VAV1: variants seen among roughly 807,000 people sequenced by gnomAD.
The protein encoded by VAV1 is proto-oncogene vav.
VAV1 carries 33 observed loss-of-function variants against 128.1 expected under a neutral mutation model. The ratio of observed to expected loss-of-function variants is 0.26; its 90% CI spans 0.20 to 0.34. The LOEUF is 0.34. VAV1 is among the 10% of genes least tolerant of loss of function. The pLI, the probability that VAV1 is intolerant of heterozygous loss-of-function variation, is 1.00. For synonymous variants in VAV1, 394 were observed against 409.8 expected, an observed-to-expected ratio of 0.96 and a Z score of 0.47; for missense variants, 715 against 1,093.7, an observed-to-expected ratio of 0.65 and a Z score of 4.88.
At chr19:6,835,875 G>A (rs1227353032) in intron 19 of VAV1, 2 of 151,096 alleles carry the variant, frequency 1.3e-5, no homozygotes, top group African/African-American at 4.9e-5. Context: ...TTGTTTTTTT[G>A]TTTAGTTTTG....
In VAV1 at chr19:6,822,898, GAT is replaced by G. The variant is rs1227945836; in HGVS notation, c.654+389_654+390del. On this transcript the variant is annotated intron_variant, in intron 6 of 26. Transcript: ENST00000602142. The surrounding 1 kb of genome is among the most constrained non-coding windows in gnomAD (Gnocchi z 5.9). Reference sequence around the variant, plus strand: ...TATAATATGTATAAAATATAAACATGATATATGATATTTATAAGATATAAAAT... The same window carrying G: ...TATAATATGTATAAAATATAAACATGATATGATATTTATAAGATATAAAAT... Among the ~76,000 whole-genome samples the G allele has an allele frequency of 1.4e-5, 2 of 145,000 alleles. No individual in the cohort carries two copies. The highest frequency in any genetic ancestry group is 3.0e-5 in the Non-Finnish European group (2 of 66,318).
In VAV1 at chr19:6,777,223, A is replaced by G. The variant is rs901479817; in HGVS notation, c.204+4212A>G. ...CATCCATTCATTCATCCATCCATTT[A>G]TCTGTTTAACTATCCATCCATCCAT... On this transcript the variant is annotated intron_variant, in intron 1 of 26. Coordinates refer to ENST00000602142, the MANE Select transcript of VAV1 (RefSeq NM_005428.4). This position sits in a 1 kb window ranked among gnomAD's most constrained non-coding sequence, Gnocchi z 4.4. Among the ~76,000 whole-genome samples the G allele has an allele frequency of 7.0e-6, 1 of 143,548 alleles. No individual in the cohort carries two copies. Among genetic ancestry groups the G allele is most frequent in the Admixed American group, 7.3e-5 (1 of 13,644 alleles). The allele number at this position is 143,548 out of a possible 152,430, so 94.2% of individuals were successfully genotyped here. A position where few individuals can be genotyped will look rare whatever the true frequency, so the allele number is the denominator to read the frequency against.
In VAV1 at chr19:6,828,324, A is replaced by T. The variant is rs1444258447; in HGVS notation, c.1024-95A>T. 3.2e-6 allele frequency: 5 copies of T among 1,552,008 alleles called. No homozygotes were observed. The East Asian group carries it at 6.7e-5, about 21-fold the overall frequency. On this transcript the variant is annotated intron_variant, in intron 10 of 26. Transcript: ENST00000602142. The surrounding 1 kb of genome is among the most constrained non-coding windows in gnomAD (Gnocchi z 4.5). ...CTCAGCCTCCAGGGTCAGCAGTACG[A>T]TGGAGGAGCTGGTGAGCTAGCATTG...
chr19:6,841,162 T>G (rs1415064601), intron 21 of VAV1, among the ~76,000 whole-genome samples: 1 of 151,578 alleles, frequency 6.6e-6, no homozygotes, highest in Non-Finnish European at 1.5e-5. Context: ...AGACCCACCC[T>G]CCTTGGCTTC....
chr19:6,845,699 TA>T (rs1251455006), intron 22 of VAV1, among the ~76,000 whole-genome samples: 1 of 149,352 alleles, frequency 6.7e-6, no homozygotes, highest in African/African-American at 2.4e-5. Flanking sequence ...CATTTATGTT[TA>T]TATTATATTA....
intron 1 of VAV1, among the ~76,000 whole-genome samples, chr19:6,805,378 T>C (rs934374404): frequency 4.0e-5 from 6 of 151,688 alleles, no homozygotes; most frequent in African/African-American, 1.5e-4. Context: ...CGAGTTGAGA[T>C]CATAATACTG....
chr19:6,832,587 C>A (rs1198709709), intron 15 of VAV1, among the ~76,000 whole-genome samples: 1 of 128,324 alleles, frequency 7.8e-6, no homozygotes, highest in South Asian at 2.6e-4. Flanking sequence ...CCTCCTCGCC[C>A]TCCTCTTCCT....
Position 6,807,415 on chromosome 19 carries a change from T to A in VAV1, c.205-13287T>A, listed in dbSNP as rs141482421. Among the ~76,000 whole-genome samples the A allele has an allele frequency of 4.1e-4, 63 of 152,114 alleles. 1 individual carries two copies. Among genetic ancestry groups the A allele is most frequent in the African/African-American group, 1.4e-3 (59 of 41,512 alleles). On this transcript the variant is annotated intron_variant, in intron 1 of 26. Transcript: ENST00000602142. Reference sequence around the variant, plus strand: ...GAGTTCACAGTAGGGTTTGCACTCCTATGAGGATCTAACGCTGCAGCTGAT... The same window carrying A: ...GAGTTCACAGTAGGGTTTGCACTCCAATGAGGATCTAACGCTGCAGCTGAT...
rs551666697 is a variant in VAV1, at chr19:6,779,922, T to C, written c.204+6911T>C. Among the ~76,000 whole-genome samples, 6 of 149,280 alleles carry C rather than the reference T, an allele frequency of 4.0e-5. No individual in the cohort carries two copies. The East Asian group carries it at 5.9e-4, about 15-fold the overall frequency. ...GTCAGGAGATCGAGACCATCCTGGC[T>C]AACACGGTGAAACCCCGTCTCTACT... On this transcript the variant is annotated intron_variant, in intron 1 of 26. Coordinates refer to ENST00000602142, the MANE Select transcript of VAV1 (RefSeq NM_005428.4).
At chr19:6,848,746 CT>C (rs202232330) in intron 23 of VAV1, among the ~76,000 whole-genome samples, 5 of 149,724 alleles carry the variant, frequency 3.3e-5, no homozygotes, top group East Asian at 2.0e-4. Flanking sequence ...TATGTTTTTT[CT>C]TTTTTTTTAA....
intron 1 of VAV1, chr19:6,784,311 A>G: frequency 2.1e-6 from 1 of 482,044 alleles, no homozygotes; most frequent in Non-Finnish European, 3.8e-6. Flanking sequence ...AATAAGAAGG[A>G]CCTGAGCCAA....
At chr19:6,848,448 G>A (rs904402176) in intron 23 of VAV1, among the ~76,000 whole-genome samples, 9 of 146,940 alleles carry the variant, frequency 6.1e-5, no homozygotes, top group Non-Finnish European at 1.3e-4. Context: ...TCCCTTTGTC[G>A]CCCAGGCTGG....
chr19:6,846,762 A>G (rs993562182), intron 22 of VAV1, among the ~76,000 whole-genome samples: 4 of 147,742 alleles, frequency 2.7e-5, no homozygotes, highest in African/African-American at 9.8e-5. Flanking sequence ...AGGGTTATAT[A>G]TAACTATCTA....
chr19:6,783,372 T>C (rs919126309), intron 1 of VAV1, among the ~76,000 whole-genome samples: 1 of 152,020 alleles, frequency 6.6e-6, no homozygotes, highest in African/African-American at 2.4e-5. Flanking sequence ...CTCATGGTCT[T>C]AGCTTCCCGA....
chr19:6,823,583 A>T (rs543704998), intron 6 of VAV1, among the ~76,000 whole-genome samples: 1 of 150,562 alleles, frequency 6.6e-6, no homozygotes, highest in African/African-American at 2.4e-5. Flanking sequence ...TCCTCCTGTA[A>T]TCCAAGCCCT....
intron 1 of VAV1, among the ~76,000 whole-genome samples, chr19:6,791,304 A>G (rs1338307289): frequency 1.3e-5 from 2 of 150,552 alleles, no homozygotes; most frequent in African/African-American, 4.9e-5. Flanking sequence ...TCCTCATCTT[A>G]AGGTCCTTGA....
At chr19:6,838,321 ATC>A (rs1972278167) in intron 21 of VAV1, among the ~76,000 whole-genome samples, 1 of 151,154 alleles carries the variant, frequency 6.6e-6, no homozygotes, top group African/African-American at 2.4e-5. Flanking sequence ...CTATCTATCT[ATC>A]TATCTATCTA....
intron 1 of VAV1, among the ~76,000 whole-genome samples, chr19:6,785,661 CT>C (rs754577854): frequency 0.03 from 3,820 of 128,352 alleles, 45 homozygotes; most frequent in South Asian, 0.062. Flanking sequence ...TTCTTTCTTT[CT>C]TTTTTTTTTT....
chr19:6,848,451 C>T (rs1321495427), intron 23 of VAV1, among the ~76,000 whole-genome samples: 4 of 151,598 alleles, frequency 2.6e-5, no homozygotes, highest in Non-Finnish European at 5.9e-5. Flanking sequence ...CTTTGTCGCC[C>T]AGGCTGGAGT....
Sources: allele counts gnomAD v4.1 joint callset (sites outside exome capture counted in the v4.1 genomes callset), GRCh38; gene constraint gnomAD v4.1.1; non-coding constraint Gnocchi (gnomAD v3.1); transcripts MANE v1.5; gene names NCBI Gene and HGNC (gene_info 2026-07-23, HGNC 2026-07-21).